Variants in USP50 observed in about 807,000 individuals in gnomAD.
USP50 encodes ubiquitin carboxyl-terminal hydrolase 50.
Under a neutral mutation model 39.2 loss-of-function variants are expected in USP50, and 37 were observed. That is an observed-to-expected ratio of 0.94 (90% CI 0.73 to 1.24). The LOEUF is 1.24. Ranked by LOEUF, USP50 falls within the 50% of genes most tolerant of loss-of-function variation. The probability of loss-of-function intolerance (pLI) is 0.00; values close to 1 mark genes in which losing one functional copy is unlikely to be tolerated. For missense variants in USP50, 374 were observed against 398.2 expected, an observed-to-expected ratio of 0.94 and a Z score of 0.52; for synonymous variants, 139 against 144.5, an observed-to-expected ratio of 0.96 and a Z score of 0.27.
chr15:50,543,815 G>A (rs2053049377), intron 2 of USP50, 22 bp from the exon 3 acceptor site: 3 of 1,593,254 alleles, frequency 1.9e-6, no homozygotes, highest in African/African-American at 1.3e-5. Context: ...AAAGGGATAT[G>A]TTTCTGGCTG....
exon 2 of USP50, chr15:50,494,058 T>C: frequency 6.3e-7 from 1 of 1,596,490 alleles, no homozygotes; most frequent in Non-Finnish European, 8.5e-7. Context: ...GTAACAACTT[T>C]TATTTGCACA....
At chr15:50,541,350 A>G (rs1197744746) in intron 3 of USP50, 86 bp from the exon 4 acceptor site, 68 of 1,157,398 alleles carry the variant, frequency 5.9e-5, no homozygotes, top group Non-Finnish European at 7.4e-5. Flanking sequence ...CATCTCTACA[A>G]AAAAAACAAA....
chr15:50,532,761 G>A (rs932226689), intron 5 of USP50, among the ~76,000 whole-genome samples: 2 of 151,670 alleles, frequency 1.3e-5, no homozygotes, highest in African/African-American at 4.9e-5. Context: ...AAGAACAGAC[G>A]GTCAATGTAA....
At chr15:50,494,040 T>C (rs374051412) in exon 2 of USP50, 2 of 1,590,810 alleles carry the variant, frequency 1.3e-6, no homozygotes, top group African/African-American at 2.7e-5. Context: ...TTTCCTTTAT[T>C]GTCTTTTGTA....
At chr15:50,500,068 T>G (rs1356874469), downstream of USP50, 3 of 152,156 alleles carry the variant, frequency 2.0e-5, no homozygotes, top group Middle Eastern at 3.2e-3. Flanking sequence ...TTGCTATATA[T>G]ATAGTCAGTA....
At chr15:50,516,803 AAAACTGT>A (rs1237116165) in intron 6 of USP50, among the ~76,000 whole-genome samples, 1 of 152,036 alleles carries the variant, frequency 6.6e-6, no homozygotes, top group African/African-American at 2.4e-5. Context: ...GACTAAGTCA[AAAACTGT>A]AAACTGAGAC....
chr15:50,528,886 A>T (rs1447247865), intron 6 of USP50, among the ~76,000 whole-genome samples: 2 of 152,190 alleles, frequency 1.3e-5, no homozygotes, highest in African/African-American at 4.8e-5. Context: ...TGGGAGTCTC[A>T]ACCATTTGAT....
chr15:50,539,841 G>A (rs1453812144), intron 4 of USP50, among the ~76,000 whole-genome samples: 2 of 152,140 alleles, frequency 1.3e-5, no homozygotes, highest in Non-Finnish European at 2.9e-5. Context: ...AGCAGAACAG[G>A]GATAAATTAG....
chr15:50,510,022 CTAAAT>C (rs2052716845), intron 6 of USP50: 1 of 151,884 alleles, frequency 6.6e-6, no homozygotes, highest in African/African-American at 2.4e-5. Flanking sequence ...TATTCATAAG[CTAAAT>C]TAAGAATTAA....
chr15:50,539,391 G>GTTTTTT (rs55858194), intron 4 of USP50, among the ~76,000 whole-genome samples: 69 of 136,132 alleles, frequency 5.1e-4, no homozygotes, highest in Admixed American at 7.5e-4. Flanking sequence ...TAACTTTTCT[G>GTTTTTT]TTTTTTTTTT....
At chr15:50,526,617 T>G (rs1298637110) in intron 6 of USP50, among the ~76,000 whole-genome samples, 1 of 152,214 alleles carries the variant, frequency 6.6e-6, no homozygotes, top group Admixed American at 6.5e-5. Context: ...ACATACATAT[T>G]GCTATCACTG....
chr15:50,515,848 T>A (rs930560262), intron 6 of USP50, among the ~76,000 whole-genome samples: 16 of 152,106 alleles, frequency 1.1e-4, no homozygotes, highest in African/African-American at 3.4e-4. Context: ...CATTCTACAG[T>A]ACTGTTTCTA....
chr15:50,543,447 A>G, intron 3 of USP50, 151 bp downstream of exon 3: 1 of 706,188 alleles, frequency 1.4e-6, no homozygotes. Context: ...CTACACATTC[A>G]AATACTAACT....
chr15:50,525,526 GTATATGTATATGTA>G (rs1377459877), intron 6 of USP50, among the ~76,000 whole-genome samples: 5 of 91,656 alleles, frequency 5.5e-5, no homozygotes, highest in Admixed American at 1.3e-4. Context: ...ATGTATATAT[GTATATGTATATGTA>G]TATATGTATA....
intron 6 of USP50, among the ~76,000 whole-genome samples, chr15:50,519,640 G>A (rs370904837): frequency 1.6e-3 from 242 of 152,040 alleles, no homozygotes; most frequent in East Asian, 0.011. Flanking sequence ...GCATGAACCC[G>A]GGAGGCGGAG....
At chr15:50,537,441 A>G (rs1225268792) in intron 5 of USP50, among the ~76,000 whole-genome samples, 1 of 152,104 alleles carries the variant, frequency 6.6e-6, no homozygotes, top group Non-Finnish European at 1.5e-5. Context: ...AAAAGAATTG[A>G]TAAGCTGGAC....
chr15:50,497,076 T>G, downstream of USP50: 1 of 1,586,702 alleles, frequency 6.3e-7, no homozygotes. Context: ...TGCTACTTGT[T>G]TTTTTCTGCC....
intron 6 of USP50, among the ~76,000 whole-genome samples, chr15:50,527,608 C>A (rs985986435): frequency 1.3e-5 from 2 of 151,706 alleles, no homozygotes; most frequent in African/African-American, 4.8e-5. Flanking sequence ...TACTGTCATG[C>A]ATCATAATTT....
downstream of USP50, chr15:50,493,035 A>G: frequency 2.9e-6 from 3 of 1,041,424 alleles, no homozygotes; most frequent in Non-Finnish European, 4.4e-6. Flanking sequence ...TAATTTGTAA[A>G]GAACAAAAAT....
Sources: allele counts gnomAD v4.1 joint callset (sites outside exome capture counted in the v4.1 genomes callset), GRCh38; gene constraint gnomAD v4.1.1; transcripts MANE v1.5; gene names NCBI Gene and HGNC (gene_info 2026-07-23, HGNC 2026-07-21).